The following NUCB1 variants were observed in gnomAD, a reference collection of about 807,000 sequenced individuals.
NUCB1 encodes the protein nucleobindin-1.
A neutral mutation model predicts 61.2 loss-of-function variants in NUCB1; 47 were observed. That is an observed-to-expected ratio of 0.77 (90% CI 0.61 to 0.98). The LOEUF is 0.98. Among genes scored for constraint, NUCB1 ranks in the 50% least tolerant of loss-of-function variants. NUCB1 has a pLI of 0.00. For missense variants in NUCB1, 583 were observed against 605.3 expected (o/e 0.96, Z 0.39); for synonymous variants, 234 against 243.1 (o/e 0.96, Z 0.35).
intron 8 of NUCB1, 77 bp downstream of exon 8, chr19:48,918,861 A>AT (rs1323695561): frequency 7.1e-7 from 1 of 1,414,466 alleles, no homozygotes; most frequent in Non-Finnish European, 9.9e-7. Context: ...GTCCCCTTAA[A>AT]TCCCCCTGGA....
Position 48,918,824 on chromosome 19 carries a change from CA to C in NUCB1, c.816+43del, listed in dbSNP as rs750501578. 2.4e-5 allele frequency: 38 copies of C among 1,569,410 alleles called. 2 individuals carry two copies. In the Admixed American group the frequency reaches 4.2e-4, roughly 17 times the overall value. ...AGCCTCGGGCACCTGGAGGGACGCCCAAATCAGCCACTTGTTTCCTCCTGCA... is the reference window on the plus strand; with the variant it reads ...AGCCTCGGGCACCTGGAGGGACGCCCAATCAGCCACTTGTTTCCTCCTGCA... On this transcript the variant is annotated intron_variant, in intron 8 of 12. Transcript: ENST00000405315.
At chr19:48,908,029 A>C (rs1199365725) in intron 4 of NUCB1, among the ~76,000 whole-genome samples, 1 of 152,152 alleles carries the variant, frequency 6.6e-6, no homozygotes, top group African/African-American at 2.4e-5. Flanking sequence ...TCCTGTGTGA[A>C]GGAGCCTCTG....
At chr19:48,917,570 C>G (rs1020582314) in intron 7 of NUCB1, among the ~76,000 whole-genome samples, 2 of 152,156 alleles carry the variant, frequency 1.3e-5, no homozygotes, top group Non-Finnish European at 2.9e-5. Context: ...GATCTTGGCA[C>G]ACTGCAACCC....
chr19:48,908,714 A>G lies in NUCB1; in HGVS notation c.377-2435A>G, dbSNP rs1453327674. 3.5e-4 allele frequency among the ~76,000 whole-genome samples: 21 copies of G among 59,586 alleles called. No homozygotes were observed. The South Asian group carries it at 7.9e-3, about 23-fold the overall frequency. 39.1% of individuals were successfully genotyped at this position (59,586 alleles called of 152,430 possible). On this transcript the variant is annotated intron_variant, in intron 4 of 12. Transcript: ENST00000405315. Reference sequence around the variant, plus strand: ...GTGTGTGTGTCTTTCTGCCCACTTGACCAAGGGGTGTGTGTGTGTGTGTGT... The same window carrying G: ...GTGTGTGTGTCTTTCTGCCCACTTGGCCAAGGGGTGTGTGTGTGTGTGTGT...
chr19:48,922,026 A>G (rs2037615678), intron 12 of NUCB1, 94 bp downstream of exon 12: 2 of 989,212 alleles, frequency 2.0e-6, no homozygotes, highest in Non-Finnish European at 1.5e-6. Flanking sequence ...ATCTGAGGGA[A>G]GAGGGACTGG....
intron 8 of NUCB1, 54 bp from the exon 9 acceptor site, chr19:48,918,976 A>AT: frequency 6.4e-7 from 1 of 1,557,556 alleles, no homozygotes; most frequent in South Asian, 1.1e-5. Flanking sequence ...AGTTGTCGGG[A>AT]ATGAGCTCGC....
chr19:48,919,115 T>A lies in NUCB1; in HGVS notation c.902T>A (p.Met301Lys). ...EERLRMREHV[M>K]KNVDTNQDRL... ...CGACTGCGCATGCGGGAGCATGTGA[T>A]GAAGAATGTGAGGTGGGGGCCAGGC... Residue 301 changes from methionine to lysine, a missense_variant, in exon 9 of 13, where the codon ATG (methionine) becomes AAG (lysine). Met to Lys is a moderately conservative substitution (Grantham distance 95). Transcript: ENST00000405315. The A allele has an allele frequency of 6.2e-7, 1 of 1,614,050 alleles. No homozygotes were observed.
intron 4 of NUCB1, among the ~76,000 whole-genome samples, chr19:48,909,992 C>T (rs889903948): frequency 1.3e-5 from 2 of 152,136 alleles, no homozygotes; most frequent in African/African-American, 2.4e-5. Flanking sequence ...AACATAGAAA[C>T]TTAGGAGCGT....
chr19:48,919,153 G>C (rs753314116), intron 9 of NUCB1, 31 bp downstream of exon 9: 8 of 1,612,796 alleles, frequency 5.0e-6, no homozygotes, highest in Non-Finnish European at 5.1e-6. Context: ...GGGAGAGGAC[G>C]GGCCCCCAGC....
chr19:48,921,096 A>C (rs2037604065), intron 10 of NUCB1, 58 bp from the exon 11 acceptor site: 1 of 1,535,748 alleles, frequency 6.5e-7, no homozygotes, highest in Non-Finnish European at 8.8e-7. Context: ...ACCCTCTCCA[A>C]CATGGGTGGG....
intron 12 of NUCB1, 26 bp downstream of exon 12, chr19:48,921,958 G>C: frequency 6.6e-7 from 1 of 1,526,316 alleles, no homozygotes; most frequent in South Asian, 1.2e-5. Flanking sequence ...CAGGGAGGAG[G>C]GGCTGCAGGG....
intron 2 of NUCB1, among the ~76,000 whole-genome samples, chr19:48,902,065 G>C (rs1392156118): frequency 1.3e-5 from 2 of 152,176 alleles, no homozygotes; most frequent in Admixed American, 6.5e-5. Context: ...ACAAAGGGCA[G>C]GGCTCTATGA....
At chr19:48,912,755 G>T (rs1396465634) in intron 5 of NUCB1, among the ~76,000 whole-genome samples, 1 of 147,726 alleles carries the variant, frequency 6.8e-6, no homozygotes, top group African/African-American at 2.6e-5. Flanking sequence ...AGAATCACTT[G>T]AACCCGGAAG....
intron 6 of NUCB1, 57 bp downstream of exon 6, chr19:48,913,253 C>T: frequency 6.6e-7 from 1 of 1,525,324 alleles, no homozygotes; most frequent in South Asian, 1.3e-5. Flanking sequence ...AAACGCAAGA[C>T]AAGAAAGCAG....
At position 48,922,493 on chromosome 19, in the gene NUCB1, C is replaced by A. The variant is rs2037623136; in HGVS notation, c.*69C>A. ...GACTGATGGGCGCTGGATGAAGTGGCACAGTCAGCTTCCCTGGGGGCTGGT... is the reference window on the plus strand; with the variant it reads ...GACTGATGGGCGCTGGATGAAGTGGAACAGTCAGCTTCCCTGGGGGCTGGT... On this transcript the variant is annotated 3_prime_UTR_variant, in exon 13 of 13. Transcript: ENST00000405315. 1 of 1,323,214 alleles carries A rather than the reference C, an allele frequency of 7.6e-7. No individual in the cohort carries two copies. The highest frequency in any genetic ancestry group is 1.1e-6 in the Non-Finnish European group (1 of 922,168). 82.0% of individuals were successfully genotyped at this position (1,323,214 alleles called of 1,614,324 possible). A position where few individuals can be genotyped will look rare whatever the true frequency, so the allele number is the denominator to read the frequency against.
At chr19:48,905,967 G>A in intron 4 of NUCB1, 82 bp downstream of exon 4, 1 of 1,109,286 alleles carries the variant, frequency 9.0e-7, no homozygotes, top group East Asian at 2.7e-5. Context: ...GTGGTTGTGT[G>A]CTAGGCAGGT....
chr19:48,918,700 A>G, intron 7 of NUCB1, 26 bp from the exon 8 acceptor site: 1 of 1,603,356 alleles, frequency 6.2e-7, no homozygotes, highest in Non-Finnish European at 8.5e-7. Context: ...GTCCCCTGAG[A>G]TACCTTGCTA....
At chr19:48,910,458 G>A (rs1047138479) in intron 4 of NUCB1, among the ~76,000 whole-genome samples, 6 of 151,764 alleles carry the variant, frequency 4.0e-5, no homozygotes, top group African/African-American at 1.4e-4. Context: ...GGCCGAGGTG[G>A]GTGGATCACC....
rs1388591173 is a variant in NUCB1, at chr19:48,904,469, G to A, written c.243+15G>A. ...AGGACATCAAGGTGCGGCTGGGGGA[G>A]TGGGGGCTGTGGGAGGGGTACGTGC... On this transcript the variant is annotated intron_variant, in intron 3 of 12. Coordinates refer to ENST00000405315, the MANE Select transcript of NUCB1 (RefSeq NM_006184.6). 4 of 1,535,992 alleles carry A rather than the reference G, an allele frequency of 2.6e-6. No homozygotes were observed. In the South Asian group the frequency reaches 3.4e-5, roughly 13 times the overall value.
Sources: gnomAD v4.1 joint callset for allele counts (sites outside exome capture counted in the v4.1 genomes callset) on GRCh38, gnomAD v4.1.1 for gene constraint, MANE v1.5 for transcripts, NCBI Gene and HGNC (gene_info 2026-07-23, HGNC 2026-07-21) for gene names.